Variants in LMO7 observed in about 807,000 individuals in gnomAD.
LMO7 encodes the protein LIM domain only protein 7.
LMO7 carries 120 observed loss-of-function variants against 206.5 expected under a neutral mutation model. The observed-to-expected ratio is 0.58, with a 90% CI of 0.50 to 0.68. The LOEUF (loss-of-function observed/expected upper bound fraction) is 0.68, where lower values mean the gene tolerates loss of function less well. Ranked by LOEUF, LMO7 falls within the 30% of genes least tolerant of loss-of-function variation. The pLI is 0.00. For synonymous variants in LMO7, 706 were observed against 681.5 expected (o/e 1.04, Z -0.56); for missense variants, 1,959 against 1,957.9 (o/e 1.00, Z -0.01).
intron 11 of LMO7, 169 bp from the exon 12 acceptor site, chr13:75,816,992 A>C: frequency 2.1e-6 from 1 of 469,750 alleles, no homozygotes; most frequent in East Asian, 3.3e-5. Flanking sequence ...CTTGTTTCTG[A>C]GTTTTGGAAA....
In LMO7 at chr13:75,817,222, G is replaced by A. The variant is rs765865348; in HGVS notation, c.2008G>A (p.Glu670Lys). ...TCAAAACTTGCGTCAGCTGCGTTACGAGGAGATGCAGAAAATAAAATCACA... is the reference window on the plus strand; with the variant it reads ...TCAAAACTTGCGTCAGCTGCGTTACAAGGAGATGCAGAAAATAAAATCACA... ...DVQNLRQLRY[E>K]EMQKIKSQLK... The change falls in exon 12 of 31, where the codon GAG (glutamate) becomes AAG (lysine). Residue 670 changes from glutamate (E) to lysine (K), a missense_variant. Transcript: ENST00000377534. 9.3e-6 allele frequency: 15 copies of A among 1,613,570 alleles called. No individual in the cohort carries two copies. Among genetic ancestry groups the A allele is most frequent in the Non-Finnish European group, 1.2e-5 (14 of 1,179,706 alleles).
intron 4 of LMO7, among the ~76,000 whole-genome samples, chr13:75,770,178 A>ATTTT (rs35265420): frequency 5.5e-5 from 8 of 146,544 alleles, no homozygotes; most frequent in Middle Eastern, 3.5e-3. Flanking sequence ...TTGGTGATGA[A>ATTTT]TTTTTTTTTT....
At chr13:75,810,002 T>G (rs1201552143) in intron 11 of LMO7, among the ~76,000 whole-genome samples, 1 of 152,084 alleles carries the variant, frequency 6.6e-6, no homozygotes, top group Non-Finnish European at 1.5e-5. Context: ...CTGCTAATTT[T>G]TGTATTTTTA....
intron 4 of LMO7, among the ~76,000 whole-genome samples, chr13:75,767,020 G>C (rs1487919743): frequency 6.6e-6 from 1 of 152,028 alleles, no homozygotes; most frequent in African/African-American, 2.4e-5. Context: ...ACTTATACCA[G>C]AATAATGATA....
intron 1 of LMO7, among the ~76,000 whole-genome samples, chr13:75,679,838 C>T (rs1029117938): frequency 6.6e-6 from 1 of 152,194 alleles, no homozygotes; most frequent in African/African-American, 2.4e-5. Context: ...GCCTTGGCCT[C>T]TCAAAGTGCT....
At chr13:75,694,818 A>G (rs766070097) in intron 1 of LMO7, among the ~76,000 whole-genome samples, 16 of 152,120 alleles carry the variant, frequency 1.1e-4, no homozygotes, top group Admixed American at 2.0e-4. Flanking sequence ...GAACCAGAGG[A>G]CTAACTTGAG....
intron 3 of LMO7, among the ~76,000 whole-genome samples, chr13:75,744,834 G>A (rs558538219): frequency 2.6e-5 from 4 of 152,178 alleles, no homozygotes; most frequent in African/African-American, 4.8e-5. Context: ...GCCATGGAGT[G>A]GGGGGTTGCA....
chr13:75,711,406 T>A (rs2043109919), intron 1 of LMO7, among the ~76,000 whole-genome samples: 1 of 152,210 alleles, frequency 6.6e-6, no homozygotes, highest in Non-Finnish European at 1.5e-5. Context: ...CTGGTAGTAT[T>A]TGGCTGTGAA....
intron 1 of LMO7, among the ~76,000 whole-genome samples, chr13:75,692,857 C>T (rs2041604011): frequency 6.6e-6 from 1 of 152,122 alleles, no homozygotes; most frequent in Non-Finnish European, 1.5e-5. Flanking sequence ...AATACTGGTG[C>T]CCTTCAGTCT....
At chr13:75,776,145 G>C (rs1594890481) in intron 4 of LMO7, among the ~76,000 whole-genome samples, 1 of 48,728 alleles carries the variant, frequency 2.1e-5, no homozygotes. Context: ...ATATATATAT[G>C]CCATGTATAT....
At chr13:75,749,204 A>T (rs1301532944) in intron 3 of LMO7, among the ~76,000 whole-genome samples, 1 of 152,208 alleles carries the variant, frequency 6.6e-6, no homozygotes, top group Non-Finnish European at 1.5e-5. Flanking sequence ...GTTGCACTAA[A>T]GGTGCCCCAA....
upstream of LMO7, chr13:75,636,238 G>T (rs1209142730): frequency 1.0e-6 from 1 of 975,160 alleles, no homozygotes; most frequent in Non-Finnish European, 1.2e-6. Flanking sequence ...AGACGGAAGC[G>T]GCGACTCGGC....
At chr13:75,761,154 T>C (rs927406493) in intron 4 of LMO7, 116 bp downstream of exon 4, 3 of 660,402 alleles carry the variant, frequency 4.5e-6, no homozygotes, top group Non-Finnish European at 7.5e-6. Flanking sequence ...CTGTTCTCTC[T>C]GTTTTCCTCT....
At chr13:75,734,945 A>G (rs1177453270) in intron 3 of LMO7, among the ~76,000 whole-genome samples, 1 of 152,096 alleles carries the variant, frequency 6.6e-6, no homozygotes, top group Non-Finnish European at 1.5e-5. Flanking sequence ...TAAAAATACA[A>G]AAATTAGCCA....
rs566795289 is a variant in LMO7 at position 75,690,463 on chromosome 13, T to C, written c.70-22719T>C. ...GGCATGCTGTGATAAATATATATAT[T>C]TGTATCTGTCTGAGTACTAGGTTTG... On this transcript the variant is annotated intron_variant, in intron 1 of 30. Transcript: ENST00000377534. 2.0e-5 allele frequency among the ~76,000 whole-genome samples: 3 copies of C among 152,242 alleles called. No individual in the cohort carries two copies. The South Asian group carries it at 6.2e-4, about 32-fold the overall frequency.
At position 75,666,251 on chromosome 13, in the gene LMO7, A is replaced by G. The variant is rs115185874; in HGVS notation, c.69+29525A>G. On this transcript the variant is annotated intron_variant, in intron 1 of 30. Coordinates refer to ENST00000377534, the MANE Select transcript of LMO7 (RefSeq NM_001306080.2). ...AACGTTAAGCTTGTGGGAATTATTTACAGCCTACTGTTCAACGCATCAGTT... is the reference window on the plus strand; with the variant it reads ...AACGTTAAGCTTGTGGGAATTATTTGCAGCCTACTGTTCAACGCATCAGTT... Among the ~76,000 whole-genome samples the G allele has an allele frequency of 4.8e-3, 727 of 152,344 alleles. 3 individuals are homozygous for G. Among genetic ancestry groups the G allele is most frequent in the African/African-American group, 0.017 (703 of 41,586 alleles).
intron 4 of LMO7, among the ~76,000 whole-genome samples, chr13:75,788,669 G>A (rs568483810): frequency 6.6e-6 from 1 of 152,116 alleles, no homozygotes; most frequent in East Asian, 1.9e-4. Flanking sequence ...TTAAAGTTGT[G>A]AACAGGTGGC....
chr13:75,674,312 T>G (rs1594201891), intron 1 of LMO7, among the ~76,000 whole-genome samples: 2 of 152,316 alleles, frequency 1.3e-5, no homozygotes, highest in East Asian at 1.9e-4. Context: ...TAGGAAACAT[T>G]TATTCATCCT....
chr13:75,644,984 T>A (rs1177433557), intron 1 of LMO7, among the ~76,000 whole-genome samples: 1 of 152,218 alleles, frequency 6.6e-6, no homozygotes, highest in African/African-American at 2.4e-5. Context: ...TTTGAATGTA[T>A]GTTAGTGATT....
Sources: gnomAD v4.1 joint callset for allele counts (sites outside exome capture counted in the v4.1 genomes callset) on GRCh38, gnomAD v4.1.1 for gene constraint, MANE v1.5 for transcripts, NCBI Gene and HGNC (gene_info 2026-07-23, HGNC 2026-07-21) for gene names.